PLA2G4C: variants seen among roughly 807,000 people sequenced by gnomAD.
PLA2G4C encodes the protein phospholipase A2 group IVC, also known as cytosolic phospholipase A2 gamma.
A neutral mutation model predicts 73.8 loss-of-function variants in PLA2G4C; 64 were observed. That is an observed-to-expected ratio of 0.87 (90% CI 0.71 to 1.07). The LOEUF (loss-of-function observed/expected upper bound fraction) is 1.07, where lower values mean the gene tolerates loss of function less well. Ranked by LOEUF, PLA2G4C falls within the 50% of genes least tolerant of loss-of-function variation. The pLI is 0.00. For missense variants in PLA2G4C, 622 were observed against 665.4 expected, an observed-to-expected ratio of 0.93 and a Z score of 0.72; for synonymous variants, 254 against 252.1, an observed-to-expected ratio of 1.01 and a Z score of -0.07.
At chr19:48,058,566 C>T (rs2032953634) in intron 14 of PLA2G4C, among the ~76,000 whole-genome samples, 1 of 152,010 alleles carries the variant, frequency 6.6e-6, no homozygotes. Context: ...GCCTATAATC[C>T]CAGCACTTTG....
intron 4 of PLA2G4C, among the ~76,000 whole-genome samples, chr19:48,101,126 A>ATATATATATATATATTT (rs1491313107): frequency 1.3e-5 from 1 of 74,154 alleles, no homozygotes; most frequent in African/African-American, 6.4e-5. Context: ...ATATATATAT[A>ATATATATATATATATTT]TTTTTTTTTT....
intron 10 of PLA2G4C, among the ~76,000 whole-genome samples, 170 bp from the exon 11 acceptor site, chr19:48,077,994 C>G (rs780456445): frequency 2.0e-5 from 3 of 152,062 alleles, no homozygotes; most frequent in African/African-American, 4.8e-5. Context: ...ACTCTGTGCT[C>G]GCTGACCTCA....
chr19:48,048,021 G>C lies in PLA2G4C; in HGVS notation c.*322C>G. ...AAGGAGCAGTGGAAGGCATTGGTCT[G>C]AACTATCACATTCATTCTGGCCATC... On this transcript the variant is annotated 3_prime_UTR_variant, in exon 17 of 17. Coordinates refer to ENST00000599921, the MANE Select transcript of PLA2G4C (RefSeq NM_003706.3). 2.6e-6 allele frequency: 1 copy of C among 387,482 alleles called. No homozygotes were observed. The allele number at this position is 387,482 out of a possible 1,614,324, so 24.0% of individuals were successfully genotyped here.
intron 2 of PLA2G4C, among the ~76,000 whole-genome samples, chr19:48,105,947 C>CTTCTTTCT (rs1216106059): frequency 0.015 from 137 of 9,146 alleles, 5 homozygotes; most frequent in Non-Finnish European, 0.019. Context: ...CCCTCCCTCC[C>CTTCTTTCT]TTCTTTCTTT....
At chr19:48,048,415 A>T (rs745989911) in intron 16 of PLA2G4C, 27 bp from the exon 17 acceptor site, 12 of 1,560,564 alleles carry the variant, frequency 7.7e-6, no homozygotes, top group Admixed American at 2.0e-5. Flanking sequence ...GTTAGAAGTT[A>T]CCACTGTGCT....
chr19:48,102,446 G>A (rs1600256939), intron 4 of PLA2G4C, among the ~76,000 whole-genome samples: 2 of 151,988 alleles, frequency 1.3e-5, no homozygotes, highest in Non-Finnish European at 1.5e-5. Flanking sequence ...AGCCAAGATC[G>A]CGCCACTGCA....
At chr19:48,088,537 T>G in intron 9 of PLA2G4C, 149 bp downstream of exon 9, 1 of 648,000 alleles carries the variant, frequency 1.5e-6, no homozygotes, top group Non-Finnish European at 2.8e-6. Flanking sequence ...CAGATCCAAA[T>G]CAAGATGAAA....
chr19:48,096,819 C>T (rs904492551), intron 6 of PLA2G4C: 2 of 152,156 alleles, frequency 1.3e-5, no homozygotes, highest in Non-Finnish European at 2.9e-5. Context: ...GAGCTGCCAG[C>T]ATTTGGGTGA....
intron 12 of PLA2G4C, 115 bp from the exon 13 acceptor site, chr19:48,068,001 G>A: frequency 1.3e-6 from 1 of 780,686 alleles, no homozygotes; most frequent in Non-Finnish European, 2.3e-6. Flanking sequence ...CTGGAGACAG[G>A]ACTTTTAAAG....
At chr19:48,077,642 T>C (rs1303428090) in intron 11 of PLA2G4C, 129 bp downstream of exon 11, 2 of 655,850 alleles carry the variant, frequency 3.0e-6, no homozygotes, top group Non-Finnish European at 2.5e-6. Context: ...GGAGAGTCCA[T>C]GCTCCTCTCC....
chr19:48,079,362 A>G (rs1025510542), intron 10 of PLA2G4C, among the ~76,000 whole-genome samples: 3 of 152,202 alleles, frequency 2.0e-5, no homozygotes, highest in Admixed American at 6.5e-5. Context: ...CCAGAAATAA[A>G]GCCAAATACT....
intron 9 of PLA2G4C, 92 bp from the exon 10 acceptor site, chr19:48,085,204 C>A: frequency 1.2e-6 from 1 of 805,086 alleles, no homozygotes; most frequent in Non-Finnish European, 2.1e-6. Context: ...GCATAAAGCA[C>A]TGCAGGGATC....
intron 14 of PLA2G4C, among the ~76,000 whole-genome samples, chr19:48,061,202 C>T (rs1463907083): frequency 1.3e-5 from 2 of 150,094 alleles, no homozygotes. Context: ...GTGGGAGGAT[C>T]GCTTGAGCCC....
chr19:48,108,122 A>G (rs2032321483), intron 1 of PLA2G4C, among the ~76,000 whole-genome samples: 1 of 151,862 alleles, frequency 6.6e-6, no homozygotes, highest in Non-Finnish European at 1.5e-5. Context: ...TTGTGTTTTT[A>G]TTTCTACGAT....
chr19:48,048,287 A>G lies in PLA2G4C; in HGVS notation c.*56T>C. 1.5e-6 allele frequency: 2 copies of G among 1,334,838 alleles called. No homozygotes were observed. Among genetic ancestry groups the G allele is most frequent in the Non-Finnish European group, 2.1e-6 (2 of 947,654 alleles). The allele number at this position is 1,334,838 out of a possible 1,614,324, so 82.7% of individuals were successfully genotyped here. On this transcript the variant is annotated 3_prime_UTR_variant, in exon 17 of 17. Transcript: ENST00000599921. ...AGTGAAGAACAGGAAGGCCAGGTGG[A>G]CATCAGGGCCCTAGTAGACCAACAG...
rs1219540135 is a variant in PLA2G4C at position 48,110,472 on chromosome 19, GC to G, written c.-33+14del. ...CCAGCGGGATGAAACAGCCCTCCCTGCCCCCACGGCTTGCCTGAGCCTGGGT... is the reference window on the plus strand; with the variant it reads ...CCAGCGGGATGAAACAGCCCTCCCTGCCCCACGGCTTGCCTGAGCCTGGGT... On this transcript the variant is annotated intron_variant, in intron 1 of 16. Transcript: ENST00000599921. The G allele has an allele frequency of 3.5e-5, 51 of 1,458,292 alleles. No homozygotes were observed. Among genetic ancestry groups the G allele is most frequent in the African/African-American group, 5.7e-5 (3 of 52,784 alleles). 90.3% of individuals were successfully genotyped at this position (1,458,292 alleles called of 1,614,324 possible). A position where few individuals can be genotyped will look rare whatever the true frequency, so the allele number is the denominator to read the frequency against.
At chr19:48,107,581 C>T (rs1321171027) in intron 1 of PLA2G4C, among the ~76,000 whole-genome samples, 2 of 152,076 alleles carry the variant, frequency 1.3e-5, no homozygotes, top group Admixed American at 6.5e-5. Context: ...CTAGCGGTTG[C>T]GTCAGTGCCT....
chr19:48,093,028 TA>T (rs2031391549), intron 7 of PLA2G4C, among the ~76,000 whole-genome samples: 1 of 152,012 alleles, frequency 6.6e-6, no homozygotes. Flanking sequence ...TCTAAGGAAA[TA>T]ATAATGTTAT....
At chr19:48,078,655 C>A (rs2030329678) in intron 10 of PLA2G4C, among the ~76,000 whole-genome samples, 1 of 152,128 alleles carries the variant, frequency 6.6e-6, no homozygotes, top group Non-Finnish European at 1.5e-5. Flanking sequence ...CAGGAATATA[C>A]CTAACCAAGG....
Sources: allele counts gnomAD v4.1 joint callset (sites outside exome capture counted in the v4.1 genomes callset), GRCh38; gene constraint gnomAD v4.1.1; transcripts MANE v1.5; gene names NCBI Gene and HGNC (gene_info 2026-07-23, HGNC 2026-07-21).